The following UBAP2L variants were observed in gnomAD, a reference collection of about 807,000 sequenced individuals.
UBAP2L encodes the protein ubiquitin associated protein 2 like, also known as ubiquitin-associated protein 2-like.
UBAP2L carries 12 observed loss-of-function variants against 130.6 expected under a neutral mutation model. That is an observed-to-expected ratio of 0.09 (90% CI 0.06 to 0.15). The LOEUF (loss-of-function observed/expected upper bound fraction) is 0.15. Among genes scored for constraint, UBAP2L ranks in the 10% least tolerant of loss-of-function variants. The pLI is 1.00. For missense variants in UBAP2L, 965 were observed against 1,332.5 expected (o/e 0.72, Z 4.29); for synonymous variants, 503 against 524.7 (o/e 0.96, Z 0.57).
At chr1:154,261,433 C>A (rs191582326) in intron 23 of UBAP2L, among the ~76,000 whole-genome samples, 159 bp from the exon 24 acceptor site, 2 of 152,250 alleles carry the variant, frequency 1.3e-5, no homozygotes, top group East Asian at 3.9e-4. Flanking sequence ...TTAGTAGATT[C>A]TAGAACAGTT....
intron 17 of UBAP2L, 72 bp from the exon 18 acceptor site, chr1:154,255,611 T>G (rs1399602363): frequency 6.6e-7 from 1 of 1,520,042 alleles, no homozygotes; most frequent in Admixed American, 1.7e-5. Context: ...TTCCTTGTTA[T>G]GTTCTTGACT....
In UBAP2L at chr1:154,270,759, GT is replaced by G. The variant is rs769856118; in HGVS notation, c.*474del. On this transcript the variant is annotated 3_prime_UTR_variant, in exon 27 of 27. Coordinates refer to ENST00000428931, the MANE Select transcript of UBAP2L (RefSeq NM_014847.4). ...ATTGTCAGATGAATTAGTTGAAGTG[GT>G]TTTTTTTTTGTTTTTTTTTTTTTTT... The G allele has an allele frequency of 3.4e-4, 383 of 1,139,076 alleles. 1 individual carries two copies. The highest frequency in any genetic ancestry group is 9.8e-4 in the South Asian group (51 of 52,008). The allele number at this position is 1,139,076 out of a possible 1,614,324, so 70.6% of individuals were successfully genotyped here. A position where few individuals can be genotyped will look rare whatever the true frequency, so the allele number is the denominator to read the frequency against.
chr1:154,251,700 CT>C, intron 14 of UBAP2L, 47 bp downstream of exon 14: 3 of 1,598,846 alleles, frequency 1.9e-6, no homozygotes, highest in Non-Finnish European at 2.6e-6. Flanking sequence ...ACCTTTACTA[CT>C]TTTTTAATCT....
chr1:154,236,742 G>A, intron 7 of UBAP2L, 131 bp downstream of exon 7: 1 of 925,074 alleles, frequency 1.1e-6, no homozygotes, highest in South Asian at 1.5e-5. Context: ...CATTTCTTAG[G>A]GATAAACCTT....
At chr1:154,269,065 T>G in intron 26 of UBAP2L, 111 bp downstream of exon 26, 2 of 1,278,732 alleles carry the variant, frequency 1.6e-6, no homozygotes, top group Non-Finnish European at 2.2e-6. Flanking sequence ...ACCCAATCCC[T>G]CCCCAGCGCC....
chr1:154,236,204 G>T (rs1046268489), intron 6 of UBAP2L, among the ~76,000 whole-genome samples: 3 of 152,028 alleles, frequency 2.0e-5, no homozygotes, highest in African/African-American at 7.2e-5. Context: ...TGGCAGGGTA[G>T]TTTTTTGTAT....
intron 4 of UBAP2L, among the ~76,000 whole-genome samples, chr1:154,232,957 C>T (rs562418467): frequency 1.3e-5 from 2 of 152,236 alleles, no homozygotes; most frequent in Admixed American, 6.5e-5. Flanking sequence ...CTTGATCTCT[C>T]GACCTCCCAA....
upstream of UBAP2L, chr1:154,220,546 C>T: frequency 1.2e-6 from 1 of 854,784 alleles, no homozygotes; most frequent in Admixed American, 2.3e-5. Context: ...CAAGCCAGAC[C>T]CGGCCTGAAA....
At chr1:154,226,943 C>T (rs1302295705) in intron 2 of UBAP2L, among the ~76,000 whole-genome samples, 1 of 152,190 alleles carries the variant, frequency 6.6e-6, no homozygotes, top group African/African-American at 2.4e-5. Flanking sequence ...CTGCCTCAGC[C>T]TCCCGAGTAG....
Position 154,252,787 on chromosome 1 carries a change from G to GA in UBAP2L, c.1665-1111dup, listed in dbSNP as rs1251761320. Among the ~76,000 whole-genome samples, 8 of 152,224 alleles carry GA rather than the reference G, an allele frequency of 5.3e-5. No homozygotes were observed. The East Asian group carries it at 1.5e-3, about 29-fold the overall frequency. On this transcript the variant is annotated intron_variant, in intron 14 of 26. Coordinates refer to ENST00000428931, the MANE Select transcript of UBAP2L (RefSeq NM_014847.4). The stretch of plus-strand genomic sequence containing the variant: ...TTGTTCAGGCCAGTCTTGAACTCCT[G>GA]AATGGAGATGATCTGCCCACCTTGG...
intron 10 of UBAP2L, 75 bp downstream of exon 10, chr1:154,243,377 G>A (rs1233987835): frequency 2.2e-6 from 3 of 1,374,660 alleles, no homozygotes; most frequent in Non-Finnish European, 3.1e-6. Flanking sequence ...AGTGGCACTG[G>A]CCTTTGTAAA....
chr1:154,258,866 T>A (rs924717993), intron 20 of UBAP2L, 111 bp from the exon 21 acceptor site: 5 of 864,710 alleles, frequency 5.8e-6, no homozygotes, highest in Non-Finnish European at 7.7e-6. Flanking sequence ...CGTGTCCTGT[T>A]CTAACCCAGA....
At chr1:154,234,848 G>A in intron 5 of UBAP2L, 89 bp downstream of exon 5, 1 of 1,514,524 alleles carries the variant, frequency 6.6e-7, no homozygotes, top group Non-Finnish European at 9.0e-7. Context: ...CAGGACCTAG[G>A]AACCATTATA....
intron 1 of UBAP2L, among the ~76,000 whole-genome samples, chr1:154,224,428 G>T (rs1290572890): frequency 2.0e-5 from 3 of 152,100 alleles, no homozygotes; most frequent in Non-Finnish European, 4.4e-5. Context: ...AGAGATTCTG[G>T]ACAAAGTCAT....
intron 25 of UBAP2L, among the ~76,000 whole-genome samples, chr1:154,266,794 G>A (rs988993374): frequency 2.0e-5 from 3 of 147,232 alleles, no homozygotes; most frequent in Non-Finnish European, 2.9e-5. Context: ...GGTAAAGCGT[G>A]GCAAATTGTT....
downstream of UBAP2L, chr1:154,271,151 AAAGGGAGAG>A: frequency 1.8e-6 from 1 of 554,548 alleles, no homozygotes; most frequent in Non-Finnish European, 3.2e-6. Flanking sequence ...TTCAGGCAGT[AAAGGGAGAG>A]GGATAGAGGA....
At chr1:154,233,608 C>T (rs1262142871) in intron 4 of UBAP2L, among the ~76,000 whole-genome samples, 1 of 150,608 alleles carries the variant, frequency 6.6e-6, no homozygotes, top group Non-Finnish European at 1.5e-5. Flanking sequence ...CAGGTGTGAG[C>T]CACCGCACCT....
At chr1:154,228,776 A>G (rs1668821773) in intron 4 of UBAP2L, 51 bp downstream of exon 4, 6 of 1,408,122 alleles carry the variant, frequency 4.3e-6, no homozygotes, top group Non-Finnish European at 4.9e-6. Context: ...TTGGGAGGCT[A>G]GTAATGTTCT....
At chr1:154,238,665 G>A (rs931459682) in intron 8 of UBAP2L, among the ~76,000 whole-genome samples, 6 of 152,238 alleles carry the variant, frequency 3.9e-5, no homozygotes. Flanking sequence ...TGAATGTGAC[G>A]CCACTATCGT....
Sources: gnomAD v4.1 joint callset for allele counts (sites outside exome capture counted in the v4.1 genomes callset) on GRCh38, gnomAD v4.1.1 for gene constraint, MANE v1.5 for transcripts, NCBI Gene and HGNC (gene_info 2026-07-23, HGNC 2026-07-21) for gene names.